Variants in CARM1 observed in about 807,000 individuals in gnomAD.
CARM1 encodes the protein coactivator associated arginine methyltransferase 1.
CARM1 carries 14 observed loss-of-function variants against 72.7 expected under a neutral mutation model. The ratio of observed to expected loss-of-function variants is 0.19; its 90% CI spans 0.13 to 0.30. The LOEUF (loss-of-function observed/expected upper bound fraction) is 0.30. Ranked by LOEUF, CARM1 falls within the 10% of genes least tolerant of loss-of-function variation. The pLI, the probability that CARM1 is intolerant of heterozygous loss-of-function variation, is 1.00. For missense variants in CARM1, 432 were observed against 833.7 expected, an observed-to-expected ratio of 0.52 and a Z score of 5.93; for synonymous variants, 333 against 345.5, an observed-to-expected ratio of 0.96 and a Z score of 0.40.
intron 1 of CARM1, among the ~76,000 whole-genome samples, chr19:10,888,022 C>T (rs2073954225): frequency 6.6e-6 from 1 of 152,222 alleles, no homozygotes; most frequent in South Asian, 2.1e-4. Flanking sequence ...CCCTCAGCAG[C>T]CTGGGGTCTT....
At chr19:10,888,231 T>A (rs1599689661) in intron 1 of CARM1, among the ~76,000 whole-genome samples, 1 of 151,992 alleles carries the variant, frequency 6.6e-6, no homozygotes, top group East Asian at 1.9e-4. Flanking sequence ...GGCTCAGGGG[T>A]CAACTAGCCT....
At chr19:10,898,120 A>G (rs1486345414) in intron 1 of CARM1, among the ~76,000 whole-genome samples, 1 of 151,536 alleles carries the variant, frequency 6.6e-6, no homozygotes, top group African/African-American at 2.4e-5. Flanking sequence ...AAAAGAAAAA[A>G]AAAAAAAGAA....
intron 3 of CARM1, among the ~76,000 whole-genome samples, chr19:10,908,373 C>A (rs1331107170): frequency 6.6e-6 from 1 of 152,194 alleles, no homozygotes; most frequent in Non-Finnish European, 1.5e-5. Flanking sequence ...CTGGAAGGAT[C>A]TGAGCACAGG....
At chr19:10,903,225 C>T (rs1262714431) in intron 1 of CARM1, among the ~76,000 whole-genome samples, 1 of 152,134 alleles carries the variant, frequency 6.6e-6, no homozygotes, top group Non-Finnish European at 1.5e-5. Flanking sequence ...TCTGTGTCTC[C>T]TTTCTTTTGC....
Position 10,922,959 on chromosome 19 carries a change from T to G in CARM1, c.*1202T>G. ...GGGAAAGCAGGTGGCCCGGGGGGGATATGGGGGCCCCAGCCCTGTCCCAAA... is the reference window on the plus strand; with the variant it reads ...GGGAAAGCAGGTGGCCCGGGGGGGAGATGGGGGCCCCAGCCCTGTCCCAAA... On this transcript the variant is annotated 3_prime_UTR_variant, in exon 16 of 16. Coordinates refer to ENST00000327064, the MANE Select transcript of CARM1 (RefSeq NM_199141.2). The G allele has an allele frequency of 9.4e-6, 2 of 212,396 alleles. No individual in the cohort carries two copies. The highest frequency in any genetic ancestry group is 1.9e-5 in the Non-Finnish European group (2 of 108,008). 13.2% of individuals were successfully genotyped at this position (212,396 alleles called of 1,614,324 possible). A position where few individuals can be genotyped will look rare whatever the true frequency, so the allele number is the denominator to read the frequency against.
Position 10,921,951 on chromosome 19 carries a change from A to C in CARM1, c.*194A>C, listed in dbSNP as rs1338180726. 1.8e-6 allele frequency: 1 copy of C among 546,626 alleles called. No homozygotes were observed. Among genetic ancestry groups the C allele is most frequent in the Non-Finnish European group, 3.2e-6 (1 of 314,262 alleles). The allele number at this position is 546,626 out of a possible 1,614,324, so 33.9% of individuals were successfully genotyped here. On this transcript the variant is annotated 3_prime_UTR_variant, in exon 16 of 16. Transcript: ENST00000327064. Reference sequence around the variant, plus strand: ...CCCTAACCCCCACCTCCCGGCCCTGAGCGTGTGTCGCTGCCATATTTTACA... The same window carrying C: ...CCCTAACCCCCACCTCCCGGCCCTGCGCGTGTGTCGCTGCCATATTTTACA...
chr19:10,887,407 C>G (rs896168436), intron 1 of CARM1, among the ~76,000 whole-genome samples: 1 of 152,150 alleles, frequency 6.6e-6, no homozygotes, highest in African/African-American at 2.4e-5. Flanking sequence ...GGAATCACAT[C>G]TGGCGAAGCA....
intron 14 of CARM1, 124 bp downstream of exon 14, chr19:10,921,251 G>A: frequency 2.1e-6 from 3 of 1,429,880 alleles, no homozygotes; most frequent in South Asian, 2.3e-5. Flanking sequence ...CTCTTCCTGG[G>A]GGCTCTCGGC....
intron 1 of CARM1, among the ~76,000 whole-genome samples, chr19:10,872,445 C>T (rs529551289): frequency 6.6e-6 from 1 of 152,068 alleles, no homozygotes; most frequent in Non-Finnish European, 1.5e-5. Flanking sequence ...CGAGTTCCAC[C>T]GCTGTGCGAG....
At chr19:10,875,962 G>C (rs753597463) in intron 1 of CARM1, among the ~76,000 whole-genome samples, 5 of 151,536 alleles carry the variant, frequency 3.3e-5, no homozygotes, top group African/African-American at 4.9e-5. Flanking sequence ...TGCCTCCCGG[G>C]TTCGAGCGAT....
chr19:10,876,157 G>T (rs1383606974), intron 1 of CARM1, among the ~76,000 whole-genome samples: 2 of 151,982 alleles, frequency 1.3e-5, no homozygotes, highest in Admixed American at 1.3e-4. Flanking sequence ...GGGATTACAG[G>T]TGTGAGCCAC....
intron 1 of CARM1, among the ~76,000 whole-genome samples, chr19:10,890,891 G>A (rs2073983259): frequency 7.0e-6 from 1 of 142,836 alleles, no homozygotes; most frequent in Admixed American, 7.4e-5. Flanking sequence ...TGCTTCTTGA[G>A]CACAGGAGGT....
Position 10,904,900 on chromosome 19 carries a change from A to C in CARM1, c.221-51A>C, listed in dbSNP as rs751954506. The stretch of plus-strand genomic sequence containing the variant: ...GGCGACAGGGACCCAGGCTCAAAAG[A>C]AGGCAGCTGACAGGGCTGCACCGCT... On this transcript the variant is annotated intron_variant, in intron 1 of 15. Transcript: ENST00000327064. The C allele has an allele frequency of 1.3e-5, 20 of 1,592,510 alleles. No homozygotes were observed. In the African/African-American group the frequency reaches 2.7e-4, roughly 21 times the overall value.
intron 15 of CARM1, 49 bp from the exon 16 acceptor site, chr19:10,921,566 G>C (rs1222657728): frequency 1.9e-6 from 3 of 1,581,946 alleles, no homozygotes; most frequent in South Asian, 2.3e-5. Flanking sequence ...CTCTGCCTGG[G>C]GGCTGGGCGG....
At chr19:10,895,183 C>T (rs1161607265) in intron 1 of CARM1, among the ~76,000 whole-genome samples, 2 of 152,208 alleles carry the variant, frequency 1.3e-5, no homozygotes, top group Non-Finnish European at 2.9e-5. Flanking sequence ...CTGCTCACTG[C>T]AACCTCCGCC....
intron 1 of CARM1, among the ~76,000 whole-genome samples, chr19:10,891,903 A>C (rs7254708): frequency 6.6e-6 from 1 of 152,198 alleles, no homozygotes; most frequent in African/African-American, 2.4e-5. Flanking sequence ...CACAATGGCA[A>C]AGGAGGGTGC....
rs77258486 is a variant in CARM1 at position 10,876,816 on chromosome 19, G to A, written c.220+4894G>A. ...AGGCAGTTTCTCAGGGAGGGGTGCC[G>A]GGAAAGAGAACAGAACAAACTCTCA... On this transcript the variant is annotated intron_variant, in intron 1 of 15. Coordinates refer to ENST00000327064, the MANE Select transcript of CARM1 (RefSeq NM_199141.2). Among the ~76,000 whole-genome samples, 743 of 152,348 alleles carry A rather than the reference G, an allele frequency of 4.9e-3. 7 individuals carry two copies. The highest frequency in any genetic ancestry group is 0.016 in the African/African-American group (686 of 41,586).
At position 10,921,146 on chromosome 19, in the gene CARM1, CA is replaced by C; in HGVS notation, c.1615+20del. 1 of 1,608,020 alleles carries C rather than the reference CA, an allele frequency of 6.2e-7. No individual in the cohort carries two copies. The stretch of plus-strand genomic sequence containing the variant: ...CCTTTAGGTGAGTGTCCCCCAGGGC[CA>C]GGGGCAGCAGGGAGCCATGCCCAGG... On this transcript the variant is annotated intron_variant, in intron 14 of 15. Transcript: ENST00000327064.
chr19:10,886,785 C>T lies in CARM1; in HGVS notation c.220+14863C>T, dbSNP rs146853578. On this transcript the variant is annotated intron_variant, in intron 1 of 15. Coordinates refer to ENST00000327064, the MANE Select transcript of CARM1 (RefSeq NM_199141.2). ...AGCAGGAGTTGCAGCAAGCCGAGGT[C>T]GCTCCACTGCACTCCAGCCTGGATG... Among the ~76,000 whole-genome samples, 359 of 152,042 alleles carry T rather than the reference C, an allele frequency of 2.4e-3. 1 individual carries two copies. Among genetic ancestry groups the T allele is most frequent in the Non-Finnish European group, 3.9e-3 (263 of 67,966 alleles).
Sources: gnomAD v4.1 joint callset for allele counts (sites outside exome capture counted in the v4.1 genomes callset) on GRCh38, gnomAD v4.1.1 for gene constraint, MANE v1.5 for transcripts, NCBI Gene and HGNC (gene_info 2026-07-23, HGNC 2026-07-21) for gene names.